SLC26A5: variants seen among roughly 807,000 people sequenced by gnomAD.
SLC26A5 encodes the protein prestin.
SLC26A5 carries 51 observed loss-of-function variants against 81.0 expected under a neutral mutation model. The ratio of observed to expected loss-of-function variants is 0.63; its 90% CI spans 0.50 to 0.80. SLC26A5 has a LOEUF of 0.80. Ranked by LOEUF, SLC26A5 falls within the 30% of genes least tolerant of loss-of-function variation. SLC26A5 has a pLI of 0.00. For synonymous variants in SLC26A5, 325 were observed against 332.8 expected, an observed-to-expected ratio of 0.98 and a Z score of 0.25; for missense variants, 771 against 905.8, an observed-to-expected ratio of 0.85 and a Z score of 1.91.
At chr7:103,387,313 G>A (rs943282608) in intron 14 of SLC26A5, among the ~76,000 whole-genome samples, 1 of 152,104 alleles carries the variant, frequency 6.6e-6, no homozygotes, top group Admixed American at 6.5e-5. Context: ...TGAGGGTGGG[G>A]AGCATCCTGA....
downstream of SLC26A5, among the ~76,000 whole-genome samples, chr7:103,369,723 G>GCA (rs1256156384): frequency 6.7e-6 from 1 of 149,394 alleles, no homozygotes; most frequent in Non-Finnish European, 1.5e-5. Flanking sequence ...GTGTGTAGAT[G>GCA]CACATATATA....
intron 19 of SLC26A5, chr7:103,352,983 CTCTG>C (rs1819809247): frequency 1.3e-6 from 1 of 779,894 alleles, no homozygotes; most frequent in Admixed American, 1.7e-5. Flanking sequence ...TTTTTTACCA[CTCTG>C]TCTATTTGCA....
At chr7:103,407,406 T>C (rs992527455) in intron 8 of SLC26A5, among the ~76,000 whole-genome samples, 50 of 152,342 alleles carry the variant, frequency 3.3e-4, no homozygotes, top group African/African-American at 1.2e-3. Context: ...ATTATTAAAG[T>C]GGACCTAACT....
At chr7:103,414,047 G>A (rs963058377) in intron 4 of SLC26A5, among the ~76,000 whole-genome samples, 2 of 152,076 alleles carry the variant, frequency 1.3e-5, no homozygotes, top group African/African-American at 4.8e-5. Flanking sequence ...CTATGCAAAT[G>A]TACAATGACA....
chr7:103,442,583 T>C (rs1157839629), intron 2 of SLC26A5, among the ~76,000 whole-genome samples: 2 of 152,190 alleles, frequency 1.3e-5, no homozygotes, highest in Non-Finnish European at 2.9e-5. Context: ...GGGTTTTTTC[T>C]AAATAAACTC....
chr7:103,426,535 T>C (rs979754333), intron 2 of SLC26A5, among the ~76,000 whole-genome samples: 2 of 152,162 alleles, frequency 1.3e-5, no homozygotes, highest in African/African-American at 4.8e-5. Context: ...TCTCTGTAGG[T>C]TAGGAAGAGA....
chr7:103,382,997 T>G (rs560702656), intron 14 of SLC26A5, among the ~76,000 whole-genome samples: 1 of 152,166 alleles, frequency 6.6e-6, no homozygotes, highest in Non-Finnish European at 1.5e-5. Context: ...ACTACACAAG[T>G]GTTAGCTGTT....
chr7:103,415,204 A>T (rs115917985), intron 4 of SLC26A5, among the ~76,000 whole-genome samples: 1 of 152,174 alleles, frequency 6.6e-6, no homozygotes, highest in Non-Finnish European at 1.5e-5. Flanking sequence ...TAACATGGTC[A>T]CTCGAATGTT....
intron 9 of SLC26A5, among the ~76,000 whole-genome samples, chr7:103,395,032 T>C (rs1305615165): frequency 6.6e-6 from 1 of 152,226 alleles, no homozygotes; most frequent in African/African-American, 2.4e-5. Flanking sequence ...TGAAGCCCTC[T>C]TGGATCCTCC....
chr7:103,401,143 C>A (rs1034975273), intron 8 of SLC26A5, among the ~76,000 whole-genome samples: 6 of 151,862 alleles, frequency 4.0e-5, no homozygotes, highest in Non-Finnish European at 7.4e-5. Context: ...TCTATAAATT[C>A]TATAAATTAC....
At chr7:103,407,651 T>TA (rs368964087) in intron 8 of SLC26A5, among the ~76,000 whole-genome samples, 200 bp downstream of exon 8, 221 of 152,328 alleles carry the variant, frequency 1.5e-3, no homozygotes, top group African/African-American at 5.2e-3. Flanking sequence ...ACATATAATT[T>TA]AAAAAATCAT....
chr7:103,378,699 C>T (rs1821544490), intron 16 of SLC26A5, 146 bp from the exon 17 acceptor site: 1 of 745,726 alleles, frequency 1.3e-6, no homozygotes, highest in African/African-American at 1.7e-5. Context: ...CTCAGAGGCC[C>T]TGAACTGGTT....
At chr7:103,444,067 A>G (rs1274385168) in intron 1 of SLC26A5, among the ~76,000 whole-genome samples, 1 of 152,220 alleles carries the variant, frequency 6.6e-6, no homozygotes, top group Non-Finnish European at 1.5e-5. Flanking sequence ...TACCTACAAT[A>G]AAACATTTTA....
At chr7:103,376,305 G>A (rs1019559667) in intron 19 of SLC26A5, among the ~76,000 whole-genome samples, 3 of 151,130 alleles carry the variant, frequency 2.0e-5, no homozygotes, top group Non-Finnish European at 4.4e-5. Flanking sequence ...TGAACTCCTA[G>A]GCTCAGGCAA....
intron 8 of SLC26A5, among the ~76,000 whole-genome samples, chr7:103,401,481 CT>C (rs1311101500): frequency 6.6e-6 from 1 of 152,142 alleles, no homozygotes; most frequent in African/African-American, 2.4e-5. Context: ...AAGGGTTTTT[CT>C]AAATATAAAA....
Position 103,402,651 on chromosome 7 carries a change from G to A in SLC26A5, c.889-4637C>T, listed in dbSNP as rs149096120. Among the ~76,000 whole-genome samples the A allele has an allele frequency of 4.2e-3, 643 of 151,934 alleles. 5 individuals are homozygous for A. Among genetic ancestry groups the A allele is most frequent in the African/African-American group, 6.4e-3 (267 of 41,438 alleles). ...CTTGACTTTCTGATTTGCCTGCCTC[G>A]GCCTCCCAAAGTGCTCGGATTACAG... On this transcript the variant is annotated intron_variant, in intron 8 of 19. Coordinates refer to ENST00000306312, the MANE Select transcript of SLC26A5 (RefSeq NM_198999.3).
chr7:103,436,530 C>T (rs1035498195), intron 2 of SLC26A5, among the ~76,000 whole-genome samples: 9 of 152,112 alleles, frequency 5.9e-5, no homozygotes, highest in African/African-American at 2.2e-4. Context: ...GAGTCATAAA[C>T]CAATACCACC....
At chr7:103,374,726 G>C in intron 19 of SLC26A5, 134 bp from the exon 20 acceptor site, 1 of 823,356 alleles carries the variant, frequency 1.2e-6, no homozygotes, top group South Asian at 1.8e-5. Flanking sequence ...TTGAGACAGA[G>C]TCTCACTCTG....
At chr7:103,362,108 T>C (rs763448900) in intron 19 of SLC26A5, 11 of 1,611,286 alleles carry the variant, frequency 6.8e-6, no homozygotes, top group South Asian at 2.2e-5. Flanking sequence ...CTATTTACAA[T>C]AAATACTTTT....
Sources: allele counts gnomAD v4.1 joint callset (sites outside exome capture counted in the v4.1 genomes callset), GRCh38; gene constraint gnomAD v4.1.1; transcripts MANE v1.5; gene names NCBI Gene and HGNC (gene_info 2026-07-23, HGNC 2026-07-21).